CAMK1D: variants seen among roughly 807,000 people sequenced by gnomAD.
CAMK1D encodes the protein calcium/calmodulin dependent protein kinase ID, also known as calcium/calmodulin-dependent protein kinase type 1D.
Under a neutral mutation model 47.7 loss-of-function variants are expected in CAMK1D, and 9 were observed. The observed-to-expected ratio is 0.19, with a 90% CI of 0.11 to 0.33. The LOEUF (loss-of-function observed/expected upper bound fraction) is 0.33. CAMK1D is among the 10% of genes least tolerant of loss of function. The pLI is 1.00. For synonymous variants in CAMK1D, 184 were observed against 184.9 expected, an observed-to-expected ratio of 0.99 and a Z score of 0.04; for missense variants, 291 against 488.7, an observed-to-expected ratio of 0.60 and a Z score of 3.81.
chr10:12,472,060 G>C (rs941040168), intron 1 of CAMK1D, among the ~76,000 whole-genome samples: 1 of 150,730 alleles, frequency 6.6e-6, no homozygotes, highest in East Asian at 1.9e-4. Context: ...AAAAAGAAAA[G>C]AAAAAGAAAA....
intron 6 of CAMK1D, among the ~76,000 whole-genome samples, chr10:12,800,062 A>G (rs1291945152): frequency 2.0e-5 from 3 of 152,098 alleles, no homozygotes; most frequent in East Asian, 3.9e-4. Flanking sequence ...TTGCATTTTC[A>G]TCACCAGTAC....
At chr10:12,784,982 G>T (rs527908955) in intron 5 of CAMK1D, among the ~76,000 whole-genome samples, 8 of 152,322 alleles carry the variant, frequency 5.3e-5, no homozygotes, top group African/African-American at 1.9e-4. Flanking sequence ...GGTACAGAGG[G>T]AGTCAGAGGA....
intron 1 of CAMK1D, among the ~76,000 whole-genome samples, chr10:12,491,088 C>T (rs74635949): frequency 0.011 from 1,627 of 152,164 alleles, 60 homozygotes; most frequent in South Asian, 0.092. Flanking sequence ...TGTGTTTTTG[C>T]CAGAATCACC....
chr10:12,516,147 T>A (rs1835204585), intron 1 of CAMK1D, among the ~76,000 whole-genome samples: 1 of 152,160 alleles, frequency 6.6e-6, no homozygotes, highest in East Asian at 1.9e-4. Flanking sequence ...TCTTGCTCTG[T>A]CATCCAGGCT....
At chr10:12,402,128 GAC>G (rs2131918921) in intron 1 of CAMK1D, among the ~76,000 whole-genome samples, 1 of 151,924 alleles carries the variant, frequency 6.6e-6, no homozygotes, top group Admixed American at 6.6e-5. Flanking sequence ...TTTTAATAGA[GAC>G]AGGGTTTTGC....
chr10:12,672,185 G>T (rs966053607), intron 3 of CAMK1D, among the ~76,000 whole-genome samples: 8 of 151,854 alleles, frequency 5.3e-5, no homozygotes, highest in African/African-American at 1.9e-4. Context: ...AAAATGCTGG[G>T]ATTACAAGCG....
chr10:12,436,317 T>C (rs1252642628), intron 1 of CAMK1D, among the ~76,000 whole-genome samples: 1 of 152,050 alleles, frequency 6.6e-6, no homozygotes, highest in Non-Finnish European at 1.5e-5. Flanking sequence ...GTTTGTGGAG[T>C]GCCTCCTCTT....
chr10:12,486,577 T>C (rs1536532), intron 1 of CAMK1D, among the ~76,000 whole-genome samples: 47,441 of 152,172 alleles, frequency 0.31, 8,281 homozygotes, highest in African/African-American at 0.47. Flanking sequence ...AGTTCTGTTT[T>C]TCTGGAGAAC....
At chr10:12,362,671 T>A (rs887702788) in intron 1 of CAMK1D, among the ~76,000 whole-genome samples, 2 of 151,990 alleles carry the variant, frequency 1.3e-5, no homozygotes, top group African/African-American at 4.8e-5. Flanking sequence ...CTAATTTTTA[T>A]TTTTTATTTT....
At chr10:12,615,917 GGT>G (rs1016464449) in intron 2 of CAMK1D, among the ~76,000 whole-genome samples, 1 of 150,708 alleles carries the variant, frequency 6.6e-6, no homozygotes, top group African/African-American at 2.4e-5. Context: ...TGTGTGTATA[GGT>G]GTGTGTATGT....
intron 3 of CAMK1D, among the ~76,000 whole-genome samples, chr10:12,747,796 C>T (rs975911823): frequency 6.6e-6 from 1 of 152,076 alleles, no homozygotes; most frequent in Non-Finnish European, 1.5e-5. Flanking sequence ...GTTCAAAGTC[C>T]AAAGGCAGGA....
rs1258691584 is a variant in CAMK1D at position 12,553,364 on chromosome 10, C to T, written c.224+8C>T. 1 of 1,599,550 alleles carries T rather than the reference C, an allele frequency of 6.3e-7. No homozygotes were observed. The highest frequency in any genetic ancestry group is 2.2e-5 in the East Asian group (1 of 44,824). On this transcript the variant is annotated splice_region_variant and intron_variant, in intron 2 of 10. Coordinates refer to ENST00000619168, the MANE Select transcript of CAMK1D (RefSeq NM_153498.4). ...GATAGCCGTCCTGAGAAAGTAAGTGCTGGAGGGCAACCCTCCTCCCTTCCC... is the reference window on the plus strand; with the variant it reads ...GATAGCCGTCCTGAGAAAGTAAGTGTTGGAGGGCAACCCTCCTCCCTTCCC...
At chr10:12,581,335 G>A (rs1837657927) in intron 2 of CAMK1D, among the ~76,000 whole-genome samples, 1 of 152,166 alleles carries the variant, frequency 6.6e-6, no homozygotes, top group Non-Finnish European at 1.5e-5. Context: ...TGTGAATTGT[G>A]CTGCTATAAA....
intron 2 of CAMK1D, among the ~76,000 whole-genome samples, chr10:12,660,125 C>A (rs1840234517): frequency 6.6e-6 from 1 of 152,208 alleles, no homozygotes; most frequent in Non-Finnish European, 1.5e-5. Context: ...CAAGGAAAGG[C>A]ATTTTGTGGT....
intron 1 of CAMK1D, among the ~76,000 whole-genome samples, chr10:12,414,742 C>G (rs184656371): frequency 2.3e-3 from 356 of 152,288 alleles, no homozygotes; most frequent in Admixed American, 4.6e-3. Context: ...TTGAGACACG[C>G]TGTTTCTTAG....
chr10:12,666,046 G>T (rs920736676), intron 2 of CAMK1D, among the ~76,000 whole-genome samples: 1 of 152,150 alleles, frequency 6.6e-6, no homozygotes, highest in South Asian at 2.1e-4. Flanking sequence ...TGTGCTTGTC[G>T]TGGGGCCTGA....
chr10:12,623,123 T>TCCTTCTTCCCTC (rs772469311), intron 2 of CAMK1D, among the ~76,000 whole-genome samples: 2,436 of 17,520 alleles, frequency 0.14, 701 homozygotes, highest in African/African-American at 0.19. Flanking sequence ...CTTCCTTCTT[T>TCCTTCTTCCCTC]CCTTCCTCCC....
At chr10:12,355,800 A>G (rs913619483) in intron 1 of CAMK1D, among the ~76,000 whole-genome samples, 1 of 152,182 alleles carries the variant, frequency 6.6e-6, no homozygotes, top group Admixed American at 6.5e-5. Context: ...CTAGGCACCG[A>G]GGAGACGGCA....
intron 1 of CAMK1D, among the ~76,000 whole-genome samples, chr10:12,549,102 C>T (rs911220409): frequency 2.0e-5 from 3 of 152,052 alleles, no homozygotes; most frequent in Non-Finnish European, 4.4e-5. Flanking sequence ...GTGGTCTGCC[C>T]GCCTTGGCCT....
Sources: gnomAD v4.1 joint callset for allele counts (sites outside exome capture counted in the v4.1 genomes callset) on GRCh38, gnomAD v4.1.1 for gene constraint, MANE v1.5 for transcripts, NCBI Gene and HGNC (gene_info 2026-07-23, HGNC 2026-07-21) for gene names.